The following KCNK12 variants were observed in gnomAD, a reference collection of about 807,000 sequenced individuals.
The protein encoded by KCNK12 is potassium channel subfamily K member 12.
In KCNK12, 6 loss-of-function variants were observed where a neutral mutation model predicts 25.3. The observed-to-expected ratio is 0.24, with a 90% CI of 0.13 to 0.47. The LOEUF (loss-of-function observed/expected upper bound fraction) is 0.47. Ranked by LOEUF, KCNK12 falls within the 20% of genes least tolerant of loss-of-function variation. The probability of loss-of-function intolerance (pLI) is 0.99; values close to 1 mark genes in which losing one functional copy is unlikely to be tolerated. For missense variants in KCNK12, 444 were observed against 661.7 expected, an observed-to-expected ratio of 0.67 and a Z score of 3.61; for synonymous variants, 331 against 311.1, an observed-to-expected ratio of 1.06 and a Z score of -0.67.
At position 47,519,556 on chromosome 2, in the gene KCNK12, T is replaced by C. The variant is rs1276535819; in HGVS notation, c.*1351A>G. ...ATCCTTTCAATGAAGCCTGGGTATC[T>C]GGCCTTCCTCCAGGTCAGGGACCCC... is the stretch of plus-strand genomic sequence containing the variant. On this transcript the variant is annotated 3_prime_UTR_variant, in exon 2 of 2. Coordinates refer to ENST00000327876, the MANE Select transcript of KCNK12 (RefSeq NM_022055.2). 3 of 152,218 alleles carry C rather than the reference T, an allele frequency of 2.0e-5. No homozygotes were observed. The highest frequency in any genetic ancestry group is 7.2e-5 in the African/African-American group (3 of 41,456). 9.4% of individuals were successfully genotyped at this position (152,218 alleles called of 1,614,324 possible).
chr2:47,535,173 AG>A (rs1486320221), intron 1 of KCNK12: 3 of 231,984 alleles, frequency 1.3e-5, no homozygotes, highest in African/African-American at 6.6e-5. Context: ...GCTGCTTCAA[AG>A]GAGGAATAAA....
chr2:47,550,925 C>T (rs1669416673), intron 1 of KCNK12, among the ~76,000 whole-genome samples: 2 of 152,166 alleles, frequency 1.3e-5, no homozygotes, highest in African/African-American at 4.8e-5. Flanking sequence ...TTCCCCCGTA[C>T]AGTTTTTTTT....
intron 1 of KCNK12, among the ~76,000 whole-genome samples, chr2:47,561,668 CA>C (rs1669674426): frequency 6.6e-6 from 1 of 152,216 alleles, no homozygotes; most frequent in African/African-American, 2.4e-5. Context: ...GCACTGCACC[CA>C]TGGGTTAGAG....
At chr2:47,553,198 CTT>C (rs1261314576) in intron 1 of KCNK12, among the ~76,000 whole-genome samples, 2 of 152,208 alleles carry the variant, frequency 1.3e-5, no homozygotes, top group Admixed American at 1.3e-4. Flanking sequence ...GAATTCTGCT[CTT>C]TGTTTAAAGT....
At chr2:47,523,962 T>C (rs113736421) in intron 1 of KCNK12, among the ~76,000 whole-genome samples, 3 of 152,362 alleles carry the variant, frequency 2.0e-5, no homozygotes, top group African/African-American at 7.2e-5. Context: ...CTTGTAATAC[T>C]TTCAGAGTAC....
rs563919365 is a variant in KCNK12 at position 47,512,096 on chromosome 2, G to A, written c.*8811C>T. On this transcript the variant is annotated 3_prime_UTR_variant, in exon 2 of 2. Coordinates refer to ENST00000327876, the MANE Select transcript of KCNK12 (RefSeq NM_022055.2). ...GTGTGTTGAAGCTGCACCTTCAGCA[G>A]GAACCTGGCCAGTCCTTAGTGGAGG... is the stretch of plus-strand genomic sequence containing the variant. Among the ~76,000 whole-genome samples the A allele has an allele frequency of 1.9e-4, 29 of 152,288 alleles. No homozygotes were observed. Among genetic ancestry groups the A allele is most frequent in the African/African-American group, 6.7e-4 (28 of 41,574 alleles).
rs568121612 is a variant in KCNK12, at chr2:47,566,875, C to A, written c.391+3066G>T. On this transcript the variant is annotated intron_variant, in intron 1 of 1. Coordinates refer to ENST00000327876, the MANE Select transcript of KCNK12 (RefSeq NM_022055.2). This position sits in a 1 kb window ranked among gnomAD's most constrained non-coding sequence, Gnocchi z 4.1. ...GTGTGACCACTGACAAGTCCCCTAA[C>A]CCTGTGCCACATGAGATTGGACCAA... The A allele has an allele frequency of 1.3e-5, 2 of 152,340 alleles. No homozygotes were observed. Among genetic ancestry groups the A allele is most frequent in the African/African-American group, 4.8e-5 (2 of 41,586 alleles). The allele number at this position is 152,340 out of a possible 1,614,324, so 9.4% of individuals were successfully genotyped here. A position where few individuals can be genotyped will look rare whatever the true frequency, so the allele number is the denominator to read the frequency against.
chr2:47,526,094 C>T (rs1045013520), intron 1 of KCNK12, among the ~76,000 whole-genome samples: 1 of 152,028 alleles, frequency 6.6e-6, no homozygotes, highest in African/African-American at 2.4e-5. Context: ...TAATTAACAA[C>T]AACAACAACA....
rs966830151 is a variant in KCNK12 at position 47,551,667 on chromosome 2, C to T, written c.391+18274G>A. ...TGACGTGTGAAATCAGTATTACCCC[C>T]TACCCCACACGGCACCATATTTTTC... On this transcript the variant is annotated intron_variant, in intron 1 of 1. Coordinates refer to ENST00000327876, the MANE Select transcript of KCNK12 (RefSeq NM_022055.2). The surrounding 1 kb of genome is among the most constrained non-coding windows in gnomAD (Gnocchi z 5.3). Among the ~76,000 whole-genome samples the T allele has an allele frequency of 6.6e-6, 1 of 152,228 alleles. No individual in the cohort carries two copies. The highest frequency in any genetic ancestry group is 1.5e-5 in the Non-Finnish European group (1 of 68,034).
chr2:47,567,717 T>C (rs1479403867), intron 1 of KCNK12, among the ~76,000 whole-genome samples: 2 of 152,204 alleles, frequency 1.3e-5, no homozygotes, highest in African/African-American at 4.8e-5. Flanking sequence ...CCCGCAGATT[T>C]TGGAAGCAAC....
At chr2:47,536,150 C>T (rs950842095) in intron 1 of KCNK12, among the ~76,000 whole-genome samples, 2 of 152,108 alleles carry the variant, frequency 1.3e-5, no homozygotes, top group African/African-American at 4.8e-5. Flanking sequence ...AGATCACTCT[C>T]CAGCTCAGCT....
rs918875770 is a variant in KCNK12, at chr2:47,525,589, A to T, written c.392-3781T>A. Among the ~76,000 whole-genome samples, 19 of 152,200 alleles carry T rather than the reference A, an allele frequency of 1.2e-4. No homozygotes were observed. Among genetic ancestry groups the T allele is most frequent in the Admixed American group, 6.5e-5 (1 of 15,280 alleles). On this transcript the variant is annotated intron_variant, in intron 1 of 1. Coordinates refer to ENST00000327876, the MANE Select transcript of KCNK12 (RefSeq NM_022055.2). This position sits in a 1 kb window ranked among gnomAD's most constrained non-coding sequence, Gnocchi z 4.1. ...CATCTGTACTTCAAGGGCTTGCTTC[A>T]TCAGGAGATGTGAGGGTGACATGGG...
rs1482760638 is a variant in KCNK12 at position 47,565,268 on chromosome 2, T to C, written c.391+4673A>G. 1 of 152,204 alleles carries C rather than the reference T, an allele frequency of 6.6e-6. No individual in the cohort carries two copies. The highest frequency in any genetic ancestry group is 6.5e-5 in the Admixed American group (1 of 15,278). 9.4% of individuals were successfully genotyped at this position (152,204 alleles called of 1,614,324 possible). On this transcript the variant is annotated intron_variant, in intron 1 of 1. Transcript: ENST00000327876. This position sits in a 1 kb window ranked among gnomAD's most constrained non-coding sequence, Gnocchi z 5.0. ...GATATCAAAACTATCTCCAGCTGGA[T>C]TACATACATGTTAGAAGAAAGTTGA...
chr2:47,542,882 G>A (rs1035364064), intron 1 of KCNK12, among the ~76,000 whole-genome samples: 13 of 152,302 alleles, frequency 8.5e-5, no homozygotes, highest in African/African-American at 2.6e-4. Flanking sequence ...AAATACTTGG[G>A]TCAATTCACA....
rs2104868825 is a variant in KCNK12 at position 47,556,815 on chromosome 2, G to T, written c.391+13126C>A. On this transcript the variant is annotated intron_variant, in intron 1 of 1. Transcript: ENST00000327876. The surrounding 1 kb of genome is among the most constrained non-coding windows in gnomAD (Gnocchi z 4.8). Reference sequence around the variant, plus strand: ...AAAGGATTATGATCTCACCCAAACAGGGTGATATCAGAGGATGGGAGCTGG... The same window carrying T: ...AAAGGATTATGATCTCACCCAAACATGGTGATATCAGAGGATGGGAGCTGG... Among the ~76,000 whole-genome samples, 1 of 152,344 alleles carries T rather than the reference G, an allele frequency of 6.6e-6. No homozygotes were observed. The highest frequency in any genetic ancestry group is 1.9e-4 in the East Asian group (1 of 5,184).
chr2:47,537,019 A>T (rs1012276805), intron 1 of KCNK12, among the ~76,000 whole-genome samples: 1 of 152,252 alleles, frequency 6.6e-6, no homozygotes, highest in Non-Finnish European at 1.5e-5. Flanking sequence ...CTCTCACTCC[A>T]TCTTGGTCAT....
rs1011160379 is a variant in KCNK12, at chr2:47,565,285, G to GA, written c.391+4655dup. ...CAGCTGGATTACATACATGTTAGAA[G>GA]AAAGTTGAATGTAAATGTGGTAGTG... On this transcript the variant is annotated intron_variant, in intron 1 of 1. Coordinates refer to ENST00000327876, the MANE Select transcript of KCNK12 (RefSeq NM_022055.2). This position sits in a 1 kb window ranked among gnomAD's most constrained non-coding sequence, Gnocchi z 5.0. 6.6e-6 allele frequency: 1 copy of GA among 152,208 alleles called. No individual in the cohort carries two copies. The highest frequency in any genetic ancestry group is 2.4e-5 in the African/African-American group (1 of 41,450). 9.4% of individuals were successfully genotyped at this position (152,208 alleles called of 1,614,324 possible).
intron 1 of KCNK12, among the ~76,000 whole-genome samples, chr2:47,561,487 C>T (rs1057325984): frequency 5.9e-5 from 9 of 152,190 alleles, no homozygotes; most frequent in Non-Finnish European, 1.0e-4. Flanking sequence ...AGGTGCCACA[C>T]AGCAGGGGGG....
At position 47,538,081 on chromosome 2, in the gene KCNK12, G is replaced by A. The variant is rs559846532; in HGVS notation, c.392-16273C>T. ...TCTAAAGGGCAGAAGAGGAGTCTAT[G>A]AAGGAGACCACATTCATTCAACAAA... On this transcript the variant is annotated intron_variant, in intron 1 of 1. Transcript: ENST00000327876. This position sits in a 1 kb window ranked among gnomAD's most constrained non-coding sequence, Gnocchi z 4.5. Among the ~76,000 whole-genome samples the A allele has an allele frequency of 1.3e-5, 2 of 152,348 alleles. No homozygotes were observed. Among genetic ancestry groups the A allele is most frequent in the East Asian group, 3.9e-4 (2 of 5,188 alleles).
Sources: allele counts gnomAD v4.1 joint callset (sites outside exome capture counted in the v4.1 genomes callset), GRCh38; gene constraint gnomAD v4.1.1; non-coding constraint Gnocchi (gnomAD v3.1); transcripts MANE v1.5; gene names NCBI Gene and HGNC (gene_info 2026-07-23, HGNC 2026-07-21).